ZNF704: variants seen among roughly 807,000 people sequenced by gnomAD.
ZNF704 encodes glucocorticoid induced gene 1.
ZNF704 carries 10 observed loss-of-function variants against 44.7 expected under a neutral mutation model. The ratio of observed to expected loss-of-function variants is 0.22; its 90% CI spans 0.14 to 0.38. The LOEUF (loss-of-function observed/expected upper bound fraction) is 0.38, where lower values mean the gene tolerates loss of function less well. ZNF704 is among the 10% of genes least tolerant of loss of function. The pLI, the probability that ZNF704 is intolerant of heterozygous loss-of-function variation, is 1.00. For synonymous variants in ZNF704, 211 were observed against 207.6 expected (o/e 1.02, Z -0.14); for missense variants, 390 against 545.5 (o/e 0.71, Z 2.84).
At chr8:80,775,170 A>C (rs1028414283) in intron 2 of ZNF704, among the ~76,000 whole-genome samples, 4 of 152,224 alleles carry the variant, frequency 2.6e-5, no homozygotes, top group Non-Finnish European at 4.4e-5. Context: ...GGATCCCAAC[A>C]AAGTAGTTGG....
intron 2 of ZNF704, among the ~76,000 whole-genome samples, chr8:80,717,652 C>T (rs889847267): frequency 1.3e-5 from 2 of 152,174 alleles, no homozygotes; most frequent in African/African-American, 4.8e-5. Context: ...GTCCCCTTTC[C>T]TAGGTTCTGT....
chr8:80,645,153 T>C, intron 7 of ZNF704: 1 of 1,604,390 alleles, frequency 6.2e-7, no homozygotes, highest in African/African-American at 1.3e-5. Context: ...GTCCAAATAG[T>C]AAATTTGTTT....
chr8:80,855,033 TTTAAG>T (rs1246977408), intron 1 of ZNF704, among the ~76,000 whole-genome samples: 3 of 152,312 alleles, frequency 2.0e-5, no homozygotes, highest in African/African-American at 7.2e-5. Flanking sequence ...CCATACAGTC[TTTAAG>T]TTATTTAAAA....
intron 2 of ZNF704, among the ~76,000 whole-genome samples, chr8:80,763,041 G>A (rs1033245421): frequency 2.6e-5 from 4 of 152,208 alleles, no homozygotes; most frequent in African/African-American, 9.6e-5. Flanking sequence ...ATGGTTTTAG[G>A]CAGCTCTGCC....
chr8:80,793,960 C>T (rs966663618), intron 2 of ZNF704, among the ~76,000 whole-genome samples: 1 of 152,072 alleles, frequency 6.6e-6, no homozygotes, highest in Non-Finnish European at 1.5e-5. Flanking sequence ...GTATCCAGTA[C>T]AAATAGGGGG....
chr8:80,796,653 A>G (rs1262787709), intron 2 of ZNF704, among the ~76,000 whole-genome samples: 2 of 152,138 alleles, frequency 1.3e-5, no homozygotes, highest in Non-Finnish European at 2.9e-5. Context: ...TAAGTTATCT[A>G]CTTCCAAGAT....
At chr8:80,866,330 C>T (rs1019653209) in intron 1 of ZNF704, among the ~76,000 whole-genome samples, 1 of 152,116 alleles carries the variant, frequency 6.6e-6, no homozygotes, top group Non-Finnish European at 1.5e-5. Context: ...TCCCTGAAAG[C>T]GGAAGAAGGC....
chr8:80,859,513 C>T (rs1809023157), intron 1 of ZNF704, among the ~76,000 whole-genome samples: 2 of 152,328 alleles, frequency 1.3e-5, no homozygotes, highest in Non-Finnish European at 1.5e-5. Flanking sequence ...ATTTTATTTG[C>T]TTAGCCTTAA....
intron 1 of ZNF704, among the ~76,000 whole-genome samples, chr8:80,828,958 G>A (rs145198377): frequency 1.1e-3 from 160 of 152,240 alleles, no homozygotes; most frequent in South Asian, 4.8e-3. Flanking sequence ...CTCCTACCAG[G>A]AAGAAAAGAA....
At chr8:80,659,034 C>T (rs1309173249) in intron 7 of ZNF704, among the ~76,000 whole-genome samples, 1 of 152,170 alleles carries the variant, frequency 6.6e-6, no homozygotes, top group Non-Finnish European at 1.5e-5. Flanking sequence ...ATTTATCAGA[C>T]AGGAATCATT....
intron 1 of ZNF704, among the ~76,000 whole-genome samples, chr8:80,854,670 A>G (rs1808927650): frequency 6.6e-6 from 1 of 152,164 alleles, no homozygotes; most frequent in Non-Finnish European, 1.5e-5. Context: ...AACAACAGAA[A>G]CAAAAAAGAG....
chr8:80,681,331 T>C (rs1236842476), intron 4 of ZNF704, among the ~76,000 whole-genome samples: 1 of 152,242 alleles, frequency 6.6e-6, no homozygotes, highest in African/African-American at 2.4e-5. Flanking sequence ...CCATTTTACA[T>C]TTCTACCGGC....
At chr8:80,654,800 A>G (rs1313089602) in intron 7 of ZNF704, among the ~76,000 whole-genome samples, 3 of 151,970 alleles carry the variant, frequency 2.0e-5, no homozygotes, top group East Asian at 3.9e-4. Flanking sequence ...TCAGGGATCT[A>G]GAACTAGAAA....
At chr8:80,826,624 A>G (rs984133666) in intron 1 of ZNF704, among the ~76,000 whole-genome samples, 9 of 152,108 alleles carry the variant, frequency 5.9e-5, no homozygotes, top group Non-Finnish European at 1.2e-4. Context: ...ACAACAAAAA[A>G]GGAGAATTTT....
intron 1 of ZNF704, among the ~76,000 whole-genome samples, chr8:80,862,425 ATC>A (rs1318680887): frequency 6.6e-6 from 1 of 151,866 alleles, no homozygotes; most frequent in East Asian, 1.9e-4. Context: ...TTGAATGGAG[ATC>A]TCTTTTAGAT....
chr8:80,692,869 C>T, intron 3 of ZNF704, 135 bp downstream of exon 3: 1 of 760,098 alleles, frequency 1.3e-6, no homozygotes, highest in Non-Finnish European at 2.2e-6. Context: ...CGACTTCTTC[C>T]ACGTTTCTCT....
At chr8:80,877,954 G>T (rs1383564549), upstream of ZNF704, among the ~76,000 whole-genome samples, 26 of 152,198 alleles carry the variant, frequency 1.7e-4, no homozygotes, top group Admixed American at 1.7e-3. Context: ...ACAGACATAA[G>T]AATAGTGTGA....
Position 80,630,958 on chromosome 8 carries a change from G to A in ZNF704, c.*10408C>T, listed in dbSNP as rs1817574155. ...GGACATTTTCAGTTATCGAAGTCAT[G>A]GGACTAGTATGTTTTGGAGATTTTT... On this transcript the variant is annotated 3_prime_UTR_variant, in exon 9 of 9. Transcript: ENST00000327835. The A allele has an allele frequency of 6.6e-6, 1 of 152,050 alleles. No individual in the cohort carries two copies. Among genetic ancestry groups the A allele is most frequent in the Non-Finnish European group, 1.5e-5 (1 of 68,016 alleles). The allele number at this position is 152,050 out of a possible 1,614,324, so 9.4% of individuals were successfully genotyped here. A position where few individuals can be genotyped will look rare whatever the true frequency, so the allele number is the denominator to read the frequency against.
chr8:80,754,960 C>T (rs1235094669), intron 2 of ZNF704, among the ~76,000 whole-genome samples: 61 of 152,166 alleles, frequency 4.0e-4, no homozygotes, highest in Admixed American at 3.9e-3. Context: ...ACCTAGACTA[C>T]TCTGACCAAT....
Sources: allele counts gnomAD v4.1 joint callset (sites outside exome capture counted in the v4.1 genomes callset), GRCh38; gene constraint gnomAD v4.1.1; transcripts MANE v1.5; gene names NCBI Gene and HGNC (gene_info 2026-07-23, HGNC 2026-07-21).